Variants in TBXAS1 observed in about 807,000 individuals in gnomAD.
TBXAS1 encodes thromboxane A synthase 1, also known as thromboxane-A synthase.
Under a neutral mutation model 60.7 loss-of-function variants are expected in TBXAS1, and 48 were observed. The ratio of observed to expected loss-of-function variants is 0.79; its 90% CI spans 0.63 to 1.01. The LOEUF (loss-of-function observed/expected upper bound fraction) is 1.01. Ranked by LOEUF, TBXAS1 falls within the 50% of genes least tolerant of loss-of-function variation. TBXAS1 has a pLI of 0.00. For synonymous variants in TBXAS1, 287 were observed against 269.7 expected (o/e 1.06, Z -0.63); for missense variants, 685 against 686.3 (o/e 1.00, Z 0.02).
intron 4 of TBXAS1, among the ~76,000 whole-genome samples, chr7:139,817,016 T>C (rs1798165478): frequency 1.3e-5 from 2 of 152,224 alleles, no homozygotes; most frequent in South Asian, 2.1e-4. Flanking sequence ...AGTTCAATGA[T>C]TGGGCTTCCT....
intron 4 of TBXAS1, among the ~76,000 whole-genome samples, chr7:139,922,290 C>T (rs1225922374): frequency 2.0e-5 from 3 of 151,866 alleles, no homozygotes; most frequent in African/African-American, 2.4e-5. Context: ...TTAGCAGAGA[C>T]GGAGTTTCTG....
At chr7:139,957,136 C>T (rs1273919132) in intron 7 of TBXAS1, among the ~76,000 whole-genome samples, 1 of 152,230 alleles carries the variant, frequency 6.6e-6, no homozygotes, top group African/African-American at 2.4e-5. Context: ...CAGCCAGTAC[C>T]CTTGTCAGCA....
intron 5 of TBXAS1, among the ~76,000 whole-genome samples, chr7:139,946,763 C>T (rs1808757268): frequency 6.6e-6 from 1 of 152,172 alleles, no homozygotes; most frequent in Non-Finnish European, 1.5e-5. Flanking sequence ...TTTGTCACGA[C>T]TCTTCAAGGG....
At chr7:139,798,669 T>C (rs1308108953) in intron 4 of TBXAS1, among the ~76,000 whole-genome samples, 6 of 152,180 alleles carry the variant, frequency 3.9e-5, no homozygotes, top group Non-Finnish European at 8.8e-5. Flanking sequence ...AGTTGTCTCA[T>C]ACCAACCATA....
intron 12 of TBXAS1, among the ~76,000 whole-genome samples, chr7:140,019,187 T>C (rs948642423): frequency 6.6e-6 from 1 of 152,130 alleles, no homozygotes; most frequent in Non-Finnish European, 1.5e-5. Flanking sequence ...ATAATGAGCT[T>C]GGATGGGGGA....
At chr7:139,827,222 T>C (rs1453330261), upstream of TBXAS1, among the ~76,000 whole-genome samples, 1 of 152,238 alleles carries the variant, frequency 6.6e-6, no homozygotes. Flanking sequence ...CTGTAACAAA[T>C]GTACCTGTGA....
chr7:139,964,824 A>G (rs753439471), intron 9 of TBXAS1, among the ~76,000 whole-genome samples: 15 of 152,248 alleles, frequency 9.9e-5, no homozygotes, highest in Non-Finnish European at 1.9e-4. Flanking sequence ...AGAATGTGTG[A>G]TGTCATTTAG....
At chr7:139,789,166 A>G (rs759198884) in intron 4 of TBXAS1, 1 of 151,970 alleles carries the variant, frequency 6.6e-6, no homozygotes, top group Non-Finnish European at 1.5e-5. Context: ...CTTTTTTATA[A>G]TAATTTGAGA....
chr7:140,018,301 G>A (rs1233207386), intron 12 of TBXAS1, among the ~76,000 whole-genome samples: 1 of 152,164 alleles, frequency 6.6e-6, no homozygotes, highest in Admixed American at 6.5e-5. Context: ...ACAGAGCAAG[G>A]TGCTGTCTGC....
chr7:139,799,511 G>A (rs1585522983), intron 4 of TBXAS1, among the ~76,000 whole-genome samples: 2 of 152,014 alleles, frequency 1.3e-5, no homozygotes, highest in East Asian at 3.9e-4. Context: ...ACTACACCAT[G>A]CCTGGCCTAA....
At chr7:139,936,357 CT>C in intron 5 of TBXAS1, 50 bp downstream of exon 5, 1 of 1,577,402 alleles carries the variant, frequency 6.3e-7, no homozygotes, top group South Asian at 1.1e-5. Context: ...CAGGTTTCTT[CT>C]CTCCAAATCG....
In TBXAS1 at chr7:139,944,201, C is replaced by T. The variant is rs115796678; in HGVS notation, c.450+7894C>T. On this transcript the variant is annotated intron_variant, in intron 5 of 12. Transcript: ENST00000448866. The stretch of plus-strand genomic sequence containing the variant: ...GCAGGGAGGAAGCAGTGAGTAGCAC[C>T]GGAATTGAGCTCTGAAGATTTTGCT... Among the ~76,000 whole-genome samples the T allele has an allele frequency of 4.6e-3, 697 of 152,192 alleles. 5 individuals carry two copies. The highest frequency in any genetic ancestry group is 0.016 in the African/African-American group (664 of 41,508).
intron 9 of TBXAS1, among the ~76,000 whole-genome samples, chr7:139,998,696 C>G (rs1310137619): frequency 6.6e-6 from 1 of 152,234 alleles, no homozygotes; most frequent in Non-Finnish European, 1.5e-5. Flanking sequence ...TTCTAGATCT[C>G]TGCAGACAGC....
At position 140,007,714 on chromosome 7, in the gene TBXAS1, A is replaced by G. The variant is rs190998709; in HGVS notation, c.1226+532A>G. ...GCTCCAACACGACTCACCCTCCAAAACGTCTCACTGCCCCTCAAGACGTCT... is the reference window on the plus strand; with the variant it reads ...GCTCCAACACGACTCACCCTCCAAAGCGTCTCACTGCCCCTCAAGACGTCT... On this transcript the variant is annotated intron_variant, in intron 10 of 12. Coordinates refer to ENST00000448866, the MANE Select transcript of TBXAS1 (RefSeq NM_001061.7). 8.6e-5 allele frequency among the ~76,000 whole-genome samples: 13 copies of G among 151,894 alleles called. No homozygotes were observed. The East Asian group carries it at 2.1e-3, about 25-fold the overall frequency.
intron 3 of TBXAS1, among the ~76,000 whole-genome samples, chr7:139,898,213 C>T (rs1203193288): frequency 1.3e-5 from 2 of 152,186 alleles, no homozygotes; most frequent in African/African-American, 4.8e-5. Flanking sequence ...CCTCCTGCCG[C>T]TTCCACATGG....
rs1012829363 is a variant in TBXAS1, at chr7:140,013,928, C to T, written c.1227-1795C>T. 1.3e-5 allele frequency among the ~76,000 whole-genome samples: 2 copies of T among 152,242 alleles called. No individual in the cohort carries two copies. The highest frequency in any genetic ancestry group is 4.8e-5 in the African/African-American group (2 of 41,454). ...TGCTGCCGTCCCCGATTCATGGCCT[C>T]ACTTCACCCACTGATTGCCCTTGAC... On this transcript the variant is annotated intron_variant, in intron 10 of 12. Coordinates refer to ENST00000448866, the MANE Select transcript of TBXAS1 (RefSeq NM_001061.7). This position sits in a 1 kb window ranked among gnomAD's most constrained non-coding sequence, Gnocchi z 4.2.
intron 6 of TBXAS1, 46 bp from the exon 7 acceptor site, chr7:139,955,413 C>A: frequency 6.2e-7 from 1 of 1,613,294 alleles, no homozygotes; most frequent in South Asian, 1.1e-5. Flanking sequence ...TTGTGGGTAG[C>A]CCCTGCCAGA....
intron 8 of TBXAS1, among the ~76,000 whole-genome samples, chr7:139,960,809 C>T (rs1375428901): frequency 6.6e-6 from 1 of 152,030 alleles, no homozygotes; most frequent in Non-Finnish European, 1.5e-5. Context: ...ATTCAGAAGC[C>T]AGTGAACTGA....
In TBXAS1 at chr7:139,952,953, C is replaced by T. The variant is rs151309187; in HGVS notation, c.451-415C>T. Among the ~76,000 whole-genome samples, 344 of 152,272 alleles carry T rather than the reference C, an allele frequency of 2.3e-3. 1 individual carries two copies. The highest frequency in any genetic ancestry group is 6.8e-3 in the African/African-American group (284 of 41,554). On this transcript the variant is annotated intron_variant, in intron 5 of 12. Coordinates refer to ENST00000448866, the MANE Select transcript of TBXAS1 (RefSeq NM_001061.7). The stretch of plus-strand genomic sequence containing the variant: ...TCTAGTGAAAGATCTAAAATACAAT[C>T]GGAATACACAAGCATAGACTTGGGT...
Sources: gnomAD v4.1 joint callset for allele counts (sites outside exome capture counted in the v4.1 genomes callset) on GRCh38, gnomAD v4.1.1 for gene constraint, Gnocchi (gnomAD v3.1) non-coding constraint, MANE v1.5 for transcripts, NCBI Gene and HGNC (gene_info 2026-07-23, HGNC 2026-07-21) for gene names.